The following MTFR2 variants were observed in gnomAD, a reference collection of about 807,000 sequenced individuals.
MTFR2 encodes DUF729 domain-containing protein 1.
In MTFR2, 44 loss-of-function variants were observed where a neutral mutation model predicts 41.2. The ratio of observed to expected loss-of-function variants is 1.07; its 90% confidence interval spans 0.84 to 1.37. The LOEUF (loss-of-function observed/expected upper bound fraction) is 1.37, where lower values mean the gene tolerates loss of function less well. Among genes scored for constraint, MTFR2 ranks in the 40% most tolerant of loss-of-function variants. The pLI is 0.00. For synonymous variants in MTFR2, 141 were observed against 154.6 expected, an observed-to-expected ratio of 0.91 and a Z score of 0.65; for missense variants, 452 against 459.5, an observed-to-expected ratio of 0.98 and a Z score of 0.15.
At chr6:136,248,707 G>A (rs1350859607) in intron 2 of MTFR2, 2 of 285,638 alleles carry the variant, frequency 7.0e-6, no homozygotes, top group Non-Finnish European at 1.3e-5. Context: ...GATTTATTGA[G>A]CTTTAAATAT....
intron 4 of MTFR2, 33 bp downstream of exon 4, chr6:136,242,828 A>T (rs368248303): frequency 3.3e-6 from 5 of 1,521,462 alleles, no homozygotes; most frequent in Admixed American, 1.8e-5. Flanking sequence ...TTCAGTTTAT[A>T]GCCCACTTCC....
intron 3 of MTFR2, 28 bp downstream of exon 3, chr6:136,244,737 C>T (rs1256031717): frequency 2.0e-6 from 3 of 1,486,372 alleles, no homozygotes; most frequent in South Asian, 2.3e-5. Flanking sequence ...GTACTTGGTA[C>T]TTAAACAATT....
chr6:136,247,863 T>C (rs1780253968), intron 2 of MTFR2, among the ~76,000 whole-genome samples: 1 of 152,234 alleles, frequency 6.6e-6, no homozygotes, highest in Non-Finnish European at 1.5e-5. Flanking sequence ...GCTTTAAATA[T>C]CAAAACAAAG....
chr6:136,233,851 CAA>C (rs879267624), intron 6 of MTFR2, among the ~76,000 whole-genome samples: 1 of 134,866 alleles, frequency 7.4e-6, no homozygotes, highest in Admixed American at 7.4e-5. Context: ...GAGTTCATGC[CAA>C]AAAAAAAAAA....
intron 3 of MTFR2, among the ~76,000 whole-genome samples, chr6:136,243,430 G>A (rs1780133026): frequency 6.6e-6 from 1 of 151,972 alleles, no homozygotes; most frequent in African/African-American, 2.4e-5. Flanking sequence ...AAGTTGGCTG[G>A]GCATGGTGGT....
At chr6:136,233,289 A>T (rs1284899212) in intron 7 of MTFR2, 36 bp downstream of exon 7, 2 of 1,585,940 alleles carry the variant, frequency 1.3e-6, no homozygotes, top group Non-Finnish European at 1.7e-6. Flanking sequence ...CATCTGAGAA[A>T]AACTGAAAAA....
intron 5 of MTFR2, among the ~76,000 whole-genome samples, chr6:136,240,843 GC>G (rs1428406340): frequency 2.6e-5 from 4 of 152,184 alleles, no homozygotes; most frequent in Non-Finnish European, 1.5e-5. Flanking sequence ...TGTAATCCCA[GC>G]ACTTTGGGAG....
chr6:136,242,079 CAAAAAAAAAAAAA>C (rs548176168), intron 4 of MTFR2, among the ~76,000 whole-genome samples: 11 of 17,500 alleles, frequency 6.3e-4, no homozygotes, highest in African/African-American at 5.6e-4. Context: ...GACTCTGTCT[CAAAAAAAAAAAAA>C]AAAAAAAAAA....
rs765830461 is a variant in MTFR2 at position 136,239,750 on chromosome 6, A to C, written c.585T>G (p.Ser195Arg). 15 of 1,613,976 alleles carry C rather than the reference A, an allele frequency of 9.3e-6. No homozygotes were observed. The South Asian group carries it at 1.6e-4, about 18-fold the overall frequency. The change falls in exon 6 of 8, where the codon AGT becomes AGG. Residue 195 changes from serine (S) to arginine (R), a missense_variant. Physicochemically the swap from Ser to Arg is moderately radical, Grantham distance 110. Coordinates refer to ENST00000420702, the MANE Select transcript of MTFR2 (RefSeq NM_001099286.3). ...QLSSSRAAHL[S>R]VDPDQLPGSV... Reference sequence around the variant, plus strand: ...AACCTGGAAGCTGATCTGGGTCCACACTCAGATGGGCAGCCCGCGATGATG... The same window carrying C: ...AACCTGGAAGCTGATCTGGGTCCACCCTCAGATGGGCAGCCCGCGATGATG...
At position 136,250,196 on chromosome 6, in the gene MTFR2, G is replaced by A. The variant is rs1207451514; in HGVS notation, c.-275C>T. ...GGTCAACCCGGTGCCCAGCCCTGGA[G>A]CCTCACGCTCAGCCAGGGTAATGTT... On this transcript the variant is annotated 5_prime_UTR_variant, in exon 1 of 8. Coordinates refer to ENST00000420702, the MANE Select transcript of MTFR2 (RefSeq NM_001099286.3). 1 of 152,554 alleles carries A rather than the reference G, an allele frequency of 6.6e-6. No homozygotes were observed. Among genetic ancestry groups the A allele is most frequent in the Non-Finnish European group, 1.5e-5 (1 of 68,320 alleles). 9.5% of individuals were successfully genotyped at this position (152,554 alleles called of 1,614,324 possible).
rs1476364621 is a variant in MTFR2, at chr6:136,233,616, T to C, written c.870-117A>G. On this transcript the variant is annotated intron_variant, in intron 6 of 7. Coordinates refer to ENST00000420702, the MANE Select transcript of MTFR2 (RefSeq NM_001099286.3). The stretch of plus-strand genomic sequence containing the variant: ...TACAATTTAATTAGTCTTCAAGAGA[T>C]TGAAAATAATCTAATCTTCAAGAAA... 1.4e-5 allele frequency: 11 copies of C among 770,386 alleles called. No individual in the cohort carries two copies. In the East Asian group the frequency reaches 3.3e-4, roughly 23 times the overall value. 47.7% of individuals were successfully genotyped at this position (770,386 alleles called of 1,614,324 possible).
At position 136,249,079 on chromosome 6, in the gene MTFR2, G is replaced by C; in HGVS notation, c.21C>G (p.Ile7Met). The C allele has an allele frequency of 6.3e-7, 1 of 1,596,494 alleles. No homozygotes were observed. The highest frequency in any genetic ancestry group is 1.1e-5 in the South Asian group (1 of 87,082). Residue 7 changes from isoleucine (I) to methionine (M), a missense_variant, in exon 2 of 8, where the codon ATC becomes ATG. Transcript: ENST00000420702. ...CAAAATATTCCAGCATCTCTCTTAAGATATTCAGTATGAGAGACATTGATG... is the reference window on the plus strand; with the variant it reads ...CAAAATATTCCAGCATCTCTCTTAACATATTCAGTATGAGAGACATTGATG... MSLILN[I>M]LREMLEYFGV...
At chr6:136,244,732 TG>T in intron 3 of MTFR2, 32 bp downstream of exon 3, 1 of 1,408,100 alleles carries the variant, frequency 7.1e-7, no homozygotes, top group East Asian at 2.3e-5. Context: ...ATTTTGTACT[TG>T]GTACTTAAAC....
rs1780291236 is a variant in MTFR2 at position 136,249,052 on chromosome 6, G to A, written c.48C>T (p.Gly16=). 3.8e-6 allele frequency: 6 copies of A among 1,598,678 alleles called. No individual in the cohort carries two copies. The highest frequency in any genetic ancestry group is 3.4e-6 in the Non-Finnish European group (4 of 1,175,840). ...CGACATTTACCTGTTCTACAGGAAC[G>A]CCAAAATATTCCAGCATCTCTCTTA... ...NILREMLEYF[G]VPVEQVLLIW... Residue 16 remains glycine (G), a synonymous_variant, in exon 2 of 8, where the codon GGC becomes GGT. Coordinates refer to ENST00000420702, the MANE Select transcript of MTFR2 (RefSeq NM_001099286.3).
At chr6:136,247,383 A>T in intron 2 of MTFR2, 1 of 374,234 alleles carries the variant, frequency 2.7e-6, no homozygotes, top group Non-Finnish European at 5.2e-6. Flanking sequence ...ACTCTCTCTC[A>T]CTTTCATTCT....
chr6:136,240,855 GCCA>G (rs1162937572), intron 5 of MTFR2, among the ~76,000 whole-genome samples: 1 of 152,180 alleles, frequency 6.6e-6, no homozygotes, highest in Non-Finnish European at 1.5e-5. Context: ...ACTTTGGGAG[GCCA>G]AGGCGGGCAG....
chr6:136,237,098 G>C (rs567569318), intron 6 of MTFR2, among the ~76,000 whole-genome samples: 2 of 152,124 alleles, frequency 1.3e-5, no homozygotes, highest in Admixed American at 1.3e-4. Flanking sequence ...ACTTGCACCC[G>C]CTGTGTAATC....
intron 2 of MTFR2, among the ~76,000 whole-genome samples, chr6:136,245,621 C>T (rs934813477): frequency 9.9e-5 from 15 of 152,194 alleles, no homozygotes; most frequent in African/African-American, 3.4e-4. Flanking sequence ...AATAAACCGC[C>T]GGTCTCAGCT....
chr6:136,248,168 T>G (rs1759618392), intron 2 of MTFR2, among the ~76,000 whole-genome samples: 1 of 152,244 alleles, frequency 6.6e-6, no homozygotes. Flanking sequence ...TTGTTTCTTA[T>G]TCCTCATATT....
Sources: allele counts gnomAD v4.1 joint callset (sites outside exome capture counted in the v4.1 genomes callset), GRCh38; gene constraint gnomAD v4.1.1; transcripts MANE v1.5; gene names NCBI Gene and HGNC (gene_info 2026-07-23, HGNC 2026-07-21).